Variants in SPATC1 observed in about 807,000 individuals in gnomAD.
SPATC1 encodes the protein spermatogenesis and centriole associated 1, also known as speriolin.
Under a neutral mutation model 36.5 loss-of-function variants are expected in SPATC1, and 35 were observed. The observed-to-expected ratio is 0.96, with a 90% CI of 0.73 to 1.27. The LOEUF (loss-of-function observed/expected upper bound fraction) is 1.27, where lower values mean the gene tolerates loss of function less well. SPATC1 is among the 50% of genes most tolerant of loss of function. The pLI, the probability that SPATC1 is intolerant of heterozygous loss-of-function variation, is 0.00. For missense variants in SPATC1, 779 were observed against 796.0 expected (o/e 0.98, Z 0.26); for synonymous variants, 361 against 353.6 (o/e 1.02, Z -0.24).
chr8:144,027,024 G>A (rs1254635986), intron 1 of SPATC1, among the ~76,000 whole-genome samples: 3 of 145,656 alleles, frequency 2.1e-5, no homozygotes, highest in African/African-American at 7.6e-5. Context: ...AGTAGAGACG[G>A]GGTTTCACTA....
At chr8:144,042,990 ATT>A (rs1287009285) in intron 4 of SPATC1, among the ~76,000 whole-genome samples, 19 of 118,020 alleles carry the variant, frequency 1.6e-4, no homozygotes, top group Non-Finnish European at 2.4e-4. Flanking sequence ...ACACCTGGCT[ATT>A]TTTTTTTTTT....
chr8:144,014,624 C>A (rs1834346933), intron 1 of SPATC1, among the ~76,000 whole-genome samples: 1 of 152,132 alleles, frequency 6.6e-6, no homozygotes, highest in South Asian at 2.1e-4. Context: ...GATCTTCCAA[C>A]TCCCAAAAGG....
rs950732834 is a variant in SPATC1 at position 144,046,764 on chromosome 8, G to A, written c.1584G>A (p.Leu528=). The change falls in exon 5 of 5, where the codon CTG becomes CTA. Residue 528 remains leucine, a synonymous_variant. Transcript: ENST00000377470. The surrounding 1 kb of genome is among the most constrained non-coding windows in gnomAD (Gnocchi z 6.6). ...TGCACCCTGCGCTGACCGAGCAGCT[G>A]GTGAACGCTTATGGCATCCTGCGAG... ...GRVHPALTEQ[L]VNAYGILRER... is the part of the protein sequence containing the mutation. 1 of 1,611,412 alleles carries A rather than the reference G, an allele frequency of 6.2e-7. No individual in the cohort carries two copies. The highest frequency in any genetic ancestry group is 1.3e-5 in the African/African-American group (1 of 75,068).
chr8:144,045,577 G>A lies in SPATC1; in HGVS notation c.1447-1050G>A, dbSNP rs1371334627. Among the ~76,000 whole-genome samples the A allele has an allele frequency of 6.6e-6, 1 of 152,200 alleles. No homozygotes were observed. Among genetic ancestry groups the A allele is most frequent in the Non-Finnish European group, 1.5e-5 (1 of 68,024 alleles). On this transcript the variant is annotated intron_variant, in intron 4 of 4. Coordinates refer to ENST00000377470, the MANE Select transcript of SPATC1 (RefSeq NM_198572.3). The surrounding 1 kb of genome is among the most constrained non-coding windows in gnomAD (Gnocchi z 5.2). ...CAGGGACAGATGGGGGGACACTGGA[G>A]GGTGGCCCTCCCCCAAGTGTTGGAG...
intron 3 of SPATC1, 27 bp downstream of exon 3, chr8:144,041,134 G>T: frequency 6.3e-7 from 1 of 1,583,234 alleles, no homozygotes; most frequent in Non-Finnish European, 8.6e-7. Context: ...GCTCCACGCG[G>T]GTCGGGCCCC....
chr8:144,035,539 T>C (rs1834881577), intron 1 of SPATC1, among the ~76,000 whole-genome samples: 1 of 152,246 alleles, frequency 6.6e-6, no homozygotes, highest in African/African-American at 2.4e-5. Flanking sequence ...AGACTTTCTG[T>C]GAATTGCTCC....
At chr8:144,032,301 G>C (rs1834813722) in intron 1 of SPATC1, among the ~76,000 whole-genome samples, 1 of 151,770 alleles carries the variant, frequency 6.6e-6, no homozygotes. Context: ...TTTTTGAGAT[G>C]GAGTCTTGCT....
rs142233948 is a variant in SPATC1 at position 144,041,894 on chromosome 8, G to A, written c.1446+523G>A. The A allele has an allele frequency of 1.3e-4, 123 of 957,620 alleles. No homozygotes were observed. The African/African-American group carries it at 2.0e-3, about 16-fold the overall frequency. 59.3% of individuals were successfully genotyped at this position (957,620 alleles called of 1,614,324 possible). On this transcript the variant is annotated intron_variant, in intron 4 of 4. Transcript: ENST00000377470. ...GTAGCCTAAGCGGGAGCTACTGTGA[G>A]CTGCGTGGGTCCAGGTTGGAGCTTT...
In SPATC1 at chr8:144,041,011, G is replaced by A; in HGVS notation, c.1210G>A (p.Gly404Ser). Residue 404 changes from glycine to serine, a missense_variant, in exon 3 of 5, where the codon GGT becomes AGT. Transcript: ENST00000377470. ...CCCGGCTTCAGTCAATGACTCTCGA[G>A]GTCCACGCACCACAGAACCGTCGAC... ...SSPASVNDSR[G>S]PRTTEPSTKS... 1 of 1,612,306 alleles carries A rather than the reference G, an allele frequency of 6.2e-7. No homozygotes were observed. The highest frequency in any genetic ancestry group is 8.5e-7 in the Non-Finnish European group (1 of 1,179,826).
rs1834907591 is a variant in SPATC1 at position 144,036,820 on chromosome 8, C to A, written c.212-3089C>A. The stretch of plus-strand genomic sequence containing the variant: ...AAGACTTACGTAATAGGGTGTTTGT[C>A]ATCAGGGAACACGGGAATCGATTGA... On this transcript the variant is annotated intron_variant, in intron 1 of 4. Transcript: ENST00000377470. Among the ~76,000 whole-genome samples, 3 of 151,976 alleles carry A rather than the reference C, an allele frequency of 2.0e-5. 1 individual carries two copies. Among genetic ancestry groups the A allele is most frequent in the Admixed American group, 1.3e-4 (2 of 15,266 alleles).
chr8:144,019,383 A>G (rs1834458721), intron 1 of SPATC1, among the ~76,000 whole-genome samples: 1 of 152,334 alleles, frequency 6.6e-6, no homozygotes, highest in South Asian at 2.1e-4. Context: ...GGCCAGAGTG[A>G]TCTCTGCCCA....
chr8:144,011,865 G>C (rs1282325937), upstream of SPATC1, among the ~76,000 whole-genome samples: 2 of 152,104 alleles, frequency 1.3e-5, no homozygotes, highest in Admixed American at 1.3e-4. This position sits in a 1 kb window ranked among gnomAD's most constrained non-coding sequence, Gnocchi z 4.5. Context: ...TGAGCACCTG[G>C]GTCAGAAGAA....
chr8:144,044,136 G>A (rs1835191617), intron 4 of SPATC1, among the ~76,000 whole-genome samples: 1 of 152,132 alleles, frequency 6.6e-6, no homozygotes, highest in African/African-American at 2.4e-5. Context: ...ACTCTCCTGG[G>A]GAGGCATTCA....
rs373081779 is a variant in SPATC1 at position 144,040,405 on chromosome 8, C to T, written c.708C>T (p.Arg236=). The T allele has an allele frequency of 3.5e-5, 56 of 1,611,170 alleles. No individual in the cohort carries two copies. Among genetic ancestry groups the T allele is most frequent in the Admixed American group, 5.0e-5 (3 of 59,786 alleles). The change falls in exon 2 of 5, where the codon CGC becomes CGT. Residue 236 remains arginine (R), a synonymous_variant. Coordinates refer to ENST00000377470, the MANE Select transcript of SPATC1 (RefSeq NM_198572.3). ...GGCTGCGGCTGGCTGAGCCACTCCG[C>T]GGAGGCCCCACTGGGCCCCAGTCCC... ...APRLRLAEPL[R]GGPTGPQSPA...
intron 1 of SPATC1, among the ~76,000 whole-genome samples, chr8:144,019,867 G>A (rs2133103567): frequency 6.6e-6 from 1 of 151,964 alleles, no homozygotes; most frequent in African/African-American, 2.4e-5. Context: ...ACACCTACCT[G>A]AGGATCCTCT....
intron 1 of SPATC1, among the ~76,000 whole-genome samples, chr8:144,027,978 G>A (rs1220577411): frequency 6.6e-6 from 1 of 151,724 alleles, no homozygotes; most frequent in Non-Finnish European, 1.5e-5. Context: ...GGGTGACAGA[G>A]CGAGACTCTA....
chr8:144,043,422 C>T (rs1554756380), intron 4 of SPATC1, among the ~76,000 whole-genome samples: 1 of 152,122 alleles, frequency 6.6e-6, no homozygotes, highest in African/African-American at 2.4e-5. Flanking sequence ...GTTCGAATTA[C>T]AGGCACACAC....
chr8:144,037,667 T>A (rs1834940740), intron 1 of SPATC1, among the ~76,000 whole-genome samples: 1 of 151,996 alleles, frequency 6.6e-6, no homozygotes, highest in Admixed American at 6.6e-5. Flanking sequence ...ACACAAACAC[T>A]GTGGAAGGCC....
At chr8:144,026,976 A>AT (rs1290653732) in intron 1 of SPATC1, among the ~76,000 whole-genome samples, 6 of 116,840 alleles carry the variant, frequency 5.1e-5, no homozygotes, top group Admixed American at 8.3e-5. Context: ...CGCCCTGCTA[A>AT]TTTTTTTTTT....
Sources: allele counts gnomAD v4.1 joint callset (sites outside exome capture counted in the v4.1 genomes callset), GRCh38; gene constraint gnomAD v4.1.1; non-coding constraint Gnocchi (gnomAD v3.1); transcripts MANE v1.5; gene names NCBI Gene and HGNC (gene_info 2026-07-23, HGNC 2026-07-21).